The following GPRC5B variants were observed in gnomAD, a reference collection of about 807,000 sequenced individuals.
The protein encoded by GPRC5B is G protein-coupled receptor family C group 5 member B.
In GPRC5B, 16 loss-of-function variants were observed where a neutral mutation model predicts 30.1. The ratio of observed to expected loss-of-function variants is 0.53; its 90% CI spans 0.36 to 0.81. GPRC5B has a LOEUF of 0.81. Ranked by LOEUF, GPRC5B falls within the 30% of genes least tolerant of loss-of-function variation. The probability of loss-of-function intolerance (pLI) is 0.01; values close to 1 mark genes in which losing one functional copy is unlikely to be tolerated. For synonymous variants in GPRC5B, 241 were observed against 239.5 expected, an observed-to-expected ratio of 1.01 and a Z score of -0.06; for missense variants, 428 against 544.7, an observed-to-expected ratio of 0.79 and a Z score of 2.13.
chr16:19,880,428 TAAATAAAATA>T (rs6145780), intron 1 of GPRC5B, among the ~76,000 whole-genome samples: 22,879 of 139,264 alleles, frequency 0.16, 2,035 homozygotes, highest in Non-Finnish European at 0.2. Context: ...GTCTCTGTTA[TAAATAAAATA>T]AAATAAAATA....
Position 19,884,736 on chromosome 16 carries a change from C to T in GPRC5B, c.-11G>A, listed in dbSNP as rs1045554302. On this transcript the variant is annotated 5_prime_UTR_variant, in exon 1 of 4. Coordinates refer to ENST00000300571, the MANE Select transcript of GPRC5B (RefSeq NM_016235.3). ...CGCAGCTCGCACTTACCGACCCCCG[C>T]GGCCCCGCAGCGCCGACGCTCCAGC... is the stretch of plus-strand genomic sequence containing the variant. 3.0e-6 allele frequency: 3 copies of T among 985,024 alleles called. No homozygotes were observed. The highest frequency in any genetic ancestry group is 6.2e-5 in the Admixed American group (1 of 16,234). The allele number at this position is 985,024 out of a possible 1,614,324, so 61.0% of individuals were successfully genotyped here.
At position 19,872,748 on chromosome 16, in the gene GPRC5B, G is replaced by T. The variant is rs1429024605; in HGVS notation, c.98C>A (p.Thr33Lys). 17 of 1,613,640 alleles carry T rather than the reference G, an allele frequency of 1.1e-5. No homozygotes were observed. Among genetic ancestry groups the T allele is most frequent in the Non-Finnish European group, 1.4e-5 (17 of 1,179,962 alleles). ...GAGGTCCAGCCCACAGCCTCGGGAT[G>T]TGCTGGCGTTTTCAGAGGCCACCGA... ...ITSVASENASTSRGCGLDLLP... is the reference protein window; with the variant it reads ...ITSVASENASKSRGCGLDLLP... Residue 33 changes from threonine (T) to lysine (K), a missense_variant, in exon 2 of 4, where the codon ACA becomes AAA. Coordinates refer to ENST00000300571, the MANE Select transcript of GPRC5B (RefSeq NM_016235.3). This position sits in a 1 kb window ranked among gnomAD's most constrained non-coding sequence, Gnocchi z 5.0.
In GPRC5B at chr16:19,862,075, C is replaced by T. The variant is rs2056629965; in HGVS notation, c.1031-102G>A. 4 of 991,916 alleles carry T rather than the reference C, an allele frequency of 4.0e-6. No homozygotes were observed. In the Admixed American group the frequency reaches 8.5e-5, roughly 21 times the overall value. The allele number at this position is 991,916 out of a possible 1,614,324, so 61.4% of individuals were successfully genotyped here. A position where few individuals can be genotyped will look rare whatever the true frequency, so the allele number is the denominator to read the frequency against. ...GCGCGCTCCGGGCACCCCCATCCAC[C>T]CAACCCAGTGGCTCCTCCCCTTTGT... On this transcript the variant is annotated intron_variant, in intron 2 of 3. Transcript: ENST00000300571.
intron 1 of GPRC5B, among the ~76,000 whole-genome samples, chr16:19,879,402 T>C (rs1412581979): frequency 2.0e-5 from 3 of 150,678 alleles, no homozygotes; most frequent in East Asian, 3.9e-4. Flanking sequence ...ATATACTGCA[T>C]CTCTCTCTCT....
intron 2 of GPRC5B, among the ~76,000 whole-genome samples, chr16:19,867,141 T>C (rs2056674136): frequency 6.6e-6 from 1 of 152,240 alleles, no homozygotes; most frequent in African/African-American, 2.4e-5. Context: ...ATAGTCCTCA[T>C]CTTTCCAAAT....
At chr16:19,866,551 G>A (rs2056668633) in intron 2 of GPRC5B, among the ~76,000 whole-genome samples, 1 of 151,606 alleles carries the variant, frequency 6.6e-6, no homozygotes, top group South Asian at 2.1e-4. Context: ...ATTATTTTTT[G>A]TATTTTTAGT....
chr16:19,864,596 G>GC (rs2056652147), intron 2 of GPRC5B, among the ~76,000 whole-genome samples: 6 of 152,268 alleles, frequency 3.9e-5, no homozygotes, highest in Admixed American at 3.9e-4. Context: ...CACCGCATGA[G>GC]CATGTCAAGG....
Position 19,884,750 on chromosome 16 carries a change from C to G in GPRC5B, c.-25G>C, listed in dbSNP as rs2056837745. The G allele has an allele frequency of 1.0e-6, 1 of 985,068 alleles. No individual in the cohort carries two copies. The highest frequency in any genetic ancestry group is 1.2e-6 in the Non-Finnish European group (1 of 829,780). The allele number at this position is 985,068 out of a possible 1,614,324, so 61.0% of individuals were successfully genotyped here. On this transcript the variant is annotated 5_prime_UTR_variant, in exon 1 of 4. Transcript: ENST00000300571. ...ACCGACCCCCGCGGCCCCGCAGCGCCGACGCTCCAGCTGGCCTTCGGCCCG... is the reference window on the plus strand; with the variant it reads ...ACCGACCCCCGCGGCCCCGCAGCGCGGACGCTCCAGCTGGCCTTCGGCCCG...
chr16:19,884,698 T>G (rs1597639107), intron 1 of GPRC5B, 29 bp downstream of exon 1: 1 of 984,982 alleles, frequency 1.0e-6, no homozygotes, highest in Non-Finnish European at 1.2e-6. Flanking sequence ...CACAGCGTCC[T>G]CCACTGCATC....
intron 1 of GPRC5B, among the ~76,000 whole-genome samples, chr16:19,874,401 G>A (rs1479241634): frequency 6.6e-6 from 1 of 152,134 alleles, no homozygotes; most frequent in African/African-American, 2.4e-5. Flanking sequence ...CACAGCCTCT[G>A]GTCTAATCAC....
At chr16:19,863,966 T>C (rs1382226986) in intron 2 of GPRC5B, among the ~76,000 whole-genome samples, 1 of 152,110 alleles carries the variant, frequency 6.6e-6, no homozygotes, top group African/African-American at 2.4e-5. Flanking sequence ...ATGGAAAGAT[T>C]GTCCGTGGTG....
chr16:19,858,336 T>G lies in GPRC5B; in HGVS notation c.*2164A>C. 1 of 441,836 alleles carries G rather than the reference T, an allele frequency of 2.3e-6. No individual in the cohort carries two copies. Among genetic ancestry groups the G allele is most frequent in the Non-Finnish European group, 4.0e-6 (1 of 249,626 alleles). The allele number at this position is 441,836 out of a possible 1,614,324, so 27.4% of individuals were successfully genotyped here. A position where few individuals can be genotyped will look rare whatever the true frequency, so the allele number is the denominator to read the frequency against. ...TCAGATTTAAAAGGGGGGAAAAAGG[T>G]CTCATTAAATGAGGCTTCCCATGGC... On this transcript the variant is annotated 3_prime_UTR_variant, in exon 4 of 4. Transcript: ENST00000300571.
At chr16:19,885,142 G>C, upstream of GPRC5B, 1 of 1,161,318 alleles carries the variant, frequency 8.6e-7, no homozygotes, top group Non-Finnish European at 1.1e-6. This position sits in a 1 kb window ranked among gnomAD's most constrained non-coding sequence, Gnocchi z 5.3. Flanking sequence ...GTCCAGACGA[G>C]CCGGGCAACT....
rs1439731181 is a variant in GPRC5B at position 19,858,756 on chromosome 16, G to A, written c.*1744C>T. ...CGGGATTCTCTAGAAGCAAGCACAT[G>A]CTCTGGGCAGAGGCGGGGTGCTTCC... On this transcript the variant is annotated 3_prime_UTR_variant, in exon 4 of 4. Coordinates refer to ENST00000300571, the MANE Select transcript of GPRC5B (RefSeq NM_016235.3). 7.2e-6 allele frequency: 3 copies of A among 416,822 alleles called. No individual in the cohort carries two copies. The highest frequency in any genetic ancestry group is 1.3e-5 in the Non-Finnish European group (3 of 236,798). The allele number at this position is 416,822 out of a possible 1,614,324, so 25.8% of individuals were successfully genotyped here.
At chr16:19,862,114 C>G in intron 2 of GPRC5B, 141 bp from the exon 3 acceptor site, 1 of 689,640 alleles carries the variant, frequency 1.5e-6, no homozygotes, top group African/African-American at 1.8e-5. Flanking sequence ...AAGCCTGATT[C>G]AAAACAAAAG....
Position 19,858,530 on chromosome 16 carries a change from G to T in GPRC5B, c.*1970C>A, listed in dbSNP as rs1441307057. On this transcript the variant is annotated 3_prime_UTR_variant, in exon 4 of 4. Coordinates refer to ENST00000300571, the MANE Select transcript of GPRC5B (RefSeq NM_016235.3). ...GCTCCAAAGGACTCCAGAGAGCGGG[G>T]GTGAGTAACCATTTCCTGGCACGAG... The T allele has an allele frequency of 8.7e-6, 6 of 693,182 alleles. No homozygotes were observed. The highest frequency in any genetic ancestry group is 1.6e-5 in the Non-Finnish European group (6 of 380,582). 42.9% of individuals were successfully genotyped at this position (693,182 alleles called of 1,614,324 possible). A position where few individuals can be genotyped will look rare whatever the true frequency, so the allele number is the denominator to read the frequency against.
At chr16:19,861,804 C>T in intron 3 of GPRC5B, 33 bp downstream of exon 3, 2 of 1,602,316 alleles carry the variant, frequency 1.2e-6, no homozygotes, top group Non-Finnish European at 1.7e-6. Context: ...GACTCCTAGG[C>T]TTCCTACCCC....
In GPRC5B at chr16:19,872,226, T is replaced by G. The variant is rs2056726307; in HGVS notation, c.620A>C (p.Asp207Ala). 5 of 1,614,168 alleles carry G rather than the reference T, an allele frequency of 3.1e-6. No individual in the cohort carries two copies. In the East Asian group the frequency reaches 8.9e-5, roughly 29 times the overall value. ...PMDFVMALIY[D>A]MVLLVVTLGL... ...CAGGGTGACCACAAGCAGTACCATG[T>G]CGTAGATGAGGGCCATCACAAAGTC... The change falls in exon 2 of 4, where the codon GAC becomes GCC. Residue 207 changes from aspartate to alanine, a missense_variant. Around this residue, in one of 3 missense-constraint regions of GPRC5B, gnomAD observed 213 missense variants for 229.1 expected, o/e 0.93. Transcript: ENST00000300571. This position sits in a 1 kb window ranked among gnomAD's most constrained non-coding sequence, Gnocchi z 5.0.
rs946479799 is a variant in GPRC5B, at chr16:19,861,686, G to T, written c.1167+151C>A. ...AGAAAAGGGGTAGAAAGGGAAAGAAGAAAAATAAAAGCATTGCATGCGTTT... is the reference window on the plus strand; with the variant it reads ...AGAAAAGGGGTAGAAAGGGAAAGAATAAAAATAAAAGCATTGCATGCGTTT... On this transcript the variant is annotated intron_variant, in intron 3 of 3. Coordinates refer to ENST00000300571, the MANE Select transcript of GPRC5B (RefSeq NM_016235.3). 6 of 643,032 alleles carry T rather than the reference G, an allele frequency of 9.3e-6. No individual in the cohort carries two copies. The East Asian group carries it at 1.3e-4, about 14-fold the overall frequency. 39.8% of individuals were successfully genotyped at this position (643,032 alleles called of 1,614,324 possible).
Sources: gnomAD v4.1 joint callset for allele counts (sites outside exome capture counted in the v4.1 genomes callset) on GRCh38, gnomAD v4.1.1 for gene constraint, gnomAD v4.1.1 regional missense constraint, Gnocchi (gnomAD v3.1) non-coding constraint, MANE v1.5 for transcripts, NCBI Gene and HGNC (gene_info 2026-07-23, HGNC 2026-07-21) for gene names.